Variants in FILIP1L observed in about 807,000 individuals in gnomAD.
FILIP1L encodes the protein filamin A interacting protein 1 like.
Under a neutral mutation model 96.6 loss-of-function variants are expected in FILIP1L, and 55 were observed. The observed-to-expected ratio is 0.57, with a 90% CI of 0.46 to 0.71. FILIP1L has a LOEUF of 0.71. Ranked by LOEUF, FILIP1L falls within the 30% of genes least tolerant of loss-of-function variation. The pLI is 0.00. For synonymous variants in FILIP1L, 467 were observed against 473.9 expected (o/e 0.99, Z 0.19); for missense variants, 1,304 against 1,321.2 (o/e 0.99, Z 0.20).
intron 5 of FILIP1L, among the ~76,000 whole-genome samples, chr3:99,847,257 C>T (rs1295042849): frequency 6.6e-6 from 1 of 151,342 alleles, no homozygotes; most frequent in African/African-American, 2.4e-5. Context: ...TGAATGCAGG[C>T]CCCTTATGAA....
intron 1 of FILIP1L, among the ~76,000 whole-genome samples, chr3:100,029,456 A>T (rs2107256085): frequency 6.6e-6 from 1 of 152,248 alleles, no homozygotes; most frequent in African/African-American, 2.4e-5. Context: ...TTGCATTTGC[A>T]ACCTTTGCCA....
chr3:99,866,808 C>CTACTG (rs1553690989), intron 4 of FILIP1L, among the ~76,000 whole-genome samples: 2 of 152,168 alleles, frequency 1.3e-5, no homozygotes, highest in African/African-American at 4.8e-5. Context: ...TATGCCATCT[C>CTACTG]TAATTACAGA....
intron 1 of FILIP1L, among the ~76,000 whole-genome samples, chr3:100,112,059 T>C (rs907835871): frequency 3.3e-5 from 5 of 152,138 alleles, no homozygotes; most frequent in Admixed American, 3.3e-4. Flanking sequence ...TCTAAAATAG[T>C]TGATGAATGA....
At chr3:99,899,814 C>T (rs1333931663) in intron 4 of FILIP1L, among the ~76,000 whole-genome samples, 1 of 152,088 alleles carries the variant, frequency 6.6e-6, no homozygotes, top group Non-Finnish European at 1.5e-5. Context: ...TCTGTGCCAC[C>T]GTTTTCTCAT....
intron 1 of FILIP1L, among the ~76,000 whole-genome samples, chr3:100,042,395 G>C (rs2065220118): frequency 6.6e-6 from 1 of 152,116 alleles, no homozygotes; most frequent in African/African-American, 2.4e-5. Context: ...TCTGTTATCT[G>C]ATGTTTCGTC....
chr3:100,002,969 C>A (rs749159847), intron 1 of FILIP1L, among the ~76,000 whole-genome samples: 1 of 152,110 alleles, frequency 6.6e-6, no homozygotes, highest in East Asian at 1.9e-4. Context: ...AGAGTCCAGG[C>A]GACAAGATTG....
At chr3:99,966,416 A>G (rs574762468) in intron 1 of FILIP1L, among the ~76,000 whole-genome samples, 1 of 152,106 alleles carries the variant, frequency 6.6e-6, no homozygotes, top group South Asian at 2.1e-4. Flanking sequence ...TTTCGGCTAT[A>G]TATAGTTTTA....
chr3:100,111,710 A>C (rs909395916), intron 1 of FILIP1L, among the ~76,000 whole-genome samples: 1 of 152,210 alleles, frequency 6.6e-6, no homozygotes, highest in Non-Finnish European at 1.5e-5. Flanking sequence ...CTTCTGTCTT[A>C]GACTTCCTGT....
chr3:99,847,422 A>G (rs1004754387), intron 5 of FILIP1L, among the ~76,000 whole-genome samples: 2 of 151,786 alleles, frequency 1.3e-5, no homozygotes, highest in Admixed American at 1.3e-4. Flanking sequence ...TTGGTTGTAG[A>G]CATACATGTT....
chr3:99,916,429 A>C (rs1237018379), intron 4 of FILIP1L, among the ~76,000 whole-genome samples: 2 of 138,506 alleles, frequency 1.4e-5, no homozygotes, highest in Non-Finnish European at 3.0e-5. Flanking sequence ...CTTTATAATA[A>C]CGGTTTATAC....
At chr3:100,092,216 A>G (rs912248082) in intron 1 of FILIP1L, among the ~76,000 whole-genome samples, 1 of 152,202 alleles carries the variant, frequency 6.6e-6, no homozygotes, top group Non-Finnish European at 1.5e-5. Flanking sequence ...AAAAGAGTAA[A>G]TATTCTATAA....
At chr3:99,872,676 G>A (rs922677572) in intron 4 of FILIP1L, among the ~76,000 whole-genome samples, 11 of 151,904 alleles carry the variant, frequency 7.2e-5, no homozygotes, top group African/African-American at 1.5e-4. Context: ...ATGTGAGGAC[G>A]GTCAGACTGG....
At chr3:99,969,775 G>A (rs977445794) in intron 1 of FILIP1L, among the ~76,000 whole-genome samples, 60 of 152,096 alleles carry the variant, frequency 3.9e-4, no homozygotes, top group Non-Finnish European at 6.8e-4. Context: ...AGATGAAGAA[G>A]GTGAGGAATT....
At chr3:99,900,950 G>A (rs140132685) in intron 4 of FILIP1L, among the ~76,000 whole-genome samples, 8 of 152,318 alleles carry the variant, frequency 5.3e-5, no homozygotes, top group Non-Finnish European at 1.0e-4. Context: ...GATGGTAGTA[G>A]GATCTGGACC....
At chr3:99,998,726 G>A (rs1433114067) in intron 1 of FILIP1L, among the ~76,000 whole-genome samples, 1 of 152,058 alleles carries the variant, frequency 6.6e-6, no homozygotes, top group Non-Finnish European at 1.5e-5. Context: ...CCATGCCCCA[G>A]CCAATTTTTT....
rs938866880 is a variant in FILIP1L at position 99,829,015 on chromosome 3, C to G, written c.*1399G>C. On this transcript the variant is annotated 3_prime_UTR_variant, in exon 6 of 6. Coordinates refer to ENST00000477258, the MANE Select transcript of FILIP1L (RefSeq NM_001387850.1). ...TAGCTCCTTCTCCTCCTTGAAATTG[C>G]AGGGGCCTGGGGGTGTTTGTACAGT... Among the ~76,000 whole-genome samples, 2 of 152,008 alleles carry G rather than the reference C, an allele frequency of 1.3e-5. No homozygotes were observed. Among genetic ancestry groups the G allele is most frequent in the Middle Eastern group, 3.2e-3 (1 of 316 alleles).
intron 1 of FILIP1L, among the ~76,000 whole-genome samples, chr3:99,936,369 CTTTTTTT>C (rs548149257): frequency 1.2e-5 from 1 of 86,384 alleles, no homozygotes; most frequent in African/African-American, 4.8e-5. Flanking sequence ...AGCTTGAAGC[CTTTTTTT>C]TTTTTTTTTT....
At chr3:100,002,615 A>T (rs958884889) in intron 1 of FILIP1L, among the ~76,000 whole-genome samples, 2 of 152,204 alleles carry the variant, frequency 1.3e-5, no homozygotes, top group African/African-American at 4.8e-5. Flanking sequence ...CCAAATGCAT[A>T]TCTGTCCATC....
intron 1 of FILIP1L, among the ~76,000 whole-genome samples, chr3:100,043,276 A>T (rs1276659233): frequency 6.6e-6 from 1 of 152,206 alleles, no homozygotes; most frequent in Non-Finnish European, 1.5e-5. Context: ...TATGCAGAAA[A>T]TCATGTCCAG....
Sources: allele counts gnomAD v4.1 joint callset (sites outside exome capture counted in the v4.1 genomes callset), GRCh38; gene constraint gnomAD v4.1.1; transcripts MANE v1.5; gene names NCBI Gene and HGNC (gene_info 2026-07-23, HGNC 2026-07-21).